The following HS3ST2 variants were observed in gnomAD, a reference collection of about 807,000 sequenced individuals.
HS3ST2 encodes heparan sulfate-glucosamine 3-sulfotransferase 2.
In HS3ST2, 17 loss-of-function variants were observed where a neutral mutation model predicts 26.3. The observed-to-expected ratio is 0.65, with a 90% CI of 0.44 to 0.97. The LOEUF (loss-of-function observed/expected upper bound fraction) is 0.97. Ranked by LOEUF, HS3ST2 falls within the 50% of genes least tolerant of loss-of-function variation. HS3ST2 has a pLI of 0.00. For missense variants in HS3ST2, 402 were observed against 501.2 expected (o/e 0.80, Z 1.89); for synonymous variants, 237 against 219.2 (o/e 1.08, Z -0.72).
At chr16:22,861,664 C>T (rs539559182) in intron 1 of HS3ST2, among the ~76,000 whole-genome samples, 2 of 152,256 alleles carry the variant, frequency 1.3e-5, no homozygotes, top group Non-Finnish European at 2.9e-5. Context: ...AGGGAAACTC[C>T]TTCTAGAAGT....
intron 1 of HS3ST2, among the ~76,000 whole-genome samples, chr16:22,876,444 AT>A (rs1357429901): frequency 6.6e-6 from 1 of 152,228 alleles, no homozygotes; most frequent in Non-Finnish European, 1.5e-5. Flanking sequence ...TTTTAAAAAA[AT>A]AAAACATAAT....
intron 1 of HS3ST2, among the ~76,000 whole-genome samples, chr16:22,888,963 A>T (rs1902099012): frequency 6.6e-6 from 1 of 152,194 alleles, no homozygotes; most frequent in Admixed American, 6.5e-5. Flanking sequence ...GAATTCCTTA[A>T]TTAAGGCAAA....
chr16:22,835,055 C>A (rs1901234224), intron 1 of HS3ST2, among the ~76,000 whole-genome samples: 1 of 152,088 alleles, frequency 6.6e-6, no homozygotes. Context: ...TTCTAGTGAG[C>A]TGAATTTGGC....
In HS3ST2 at chr16:22,815,113, C is replaced by T. The variant is rs751980152; in HGVS notation, c.485+18C>T. The T allele has an allele frequency of 2.5e-6, 4 of 1,607,578 alleles. No homozygotes were observed. Among genetic ancestry groups the T allele is most frequent in the Admixed American group, 1.7e-5 (1 of 57,912 alleles). On this transcript the variant is annotated intron_variant, in intron 1 of 1. Transcript: ENST00000261374. ...TGGTACAGGTAAGGACCAGGAGCTC[C>T]GCTCCGTGCGCCGGGTCTCTGATCG...
rs1902043715 is a variant in HS3ST2 at position 22,885,152 on chromosome 16, C to G, written c.486-29792C>G. Among the ~76,000 whole-genome samples, 3 of 151,864 alleles carry G rather than the reference C, an allele frequency of 2.0e-5. No homozygotes were observed. In the South Asian group the frequency reaches 6.2e-4, roughly 32 times the overall value. ...CATCGCTCCCAGCCAACATTTTTCACTCTTATGTGACATATTGCCACCCCT... is the reference window on the plus strand; with the variant it reads ...CATCGCTCCCAGCCAACATTTTTCAGTCTTATGTGACATATTGCCACCCCT... On this transcript the variant is annotated intron_variant, in intron 1 of 1. Transcript: ENST00000261374.
intron 1 of HS3ST2, among the ~76,000 whole-genome samples, chr16:22,881,258 C>T (rs909537293): frequency 6.6e-6 from 1 of 152,244 alleles, no homozygotes; most frequent in Non-Finnish European, 1.5e-5. Flanking sequence ...TTGACTTCAG[C>T]AGGTGATTTG....
intron 1 of HS3ST2, among the ~76,000 whole-genome samples, chr16:22,884,846 C>CTT (rs71792309): frequency 6.9e-4 from 95 of 138,458 alleles, no homozygotes; most frequent in African/African-American, 1.1e-3. Flanking sequence ...CCCTCTCTGT[C>CTT]TTTTTTTTTT....
At chr16:22,886,510 A>G (rs1394183338) in intron 1 of HS3ST2, among the ~76,000 whole-genome samples, 2 of 152,182 alleles carry the variant, frequency 1.3e-5, no homozygotes, top group African/African-American at 2.4e-5. Flanking sequence ...CAGCTTGGTA[A>G]ACTAAGTGAA....
chr16:22,889,813 C>G (rs1313731068), intron 1 of HS3ST2, among the ~76,000 whole-genome samples: 1 of 152,178 alleles, frequency 6.6e-6, no homozygotes, highest in South Asian at 2.1e-4. Flanking sequence ...ACACATTCAA[C>G]AGGTTTCTAC....
intron 1 of HS3ST2, among the ~76,000 whole-genome samples, chr16:22,848,559 T>G (rs773985956): frequency 6.6e-6 from 1 of 152,204 alleles, no homozygotes; most frequent in Non-Finnish European, 1.5e-5. Flanking sequence ...CTGAGTGCAG[T>G]TGTGAAATAT....
Position 22,857,089 on chromosome 16 carries a change from G to A in HS3ST2, c.485+41994G>A, listed in dbSNP as rs11865532. ...ACAGATACCTGTTACCATCATGATC[G>A]TTTCATAAATGAGAAAAGCGAGGTT... On this transcript the variant is annotated intron_variant, in intron 1 of 1. Coordinates refer to ENST00000261374, the MANE Select transcript of HS3ST2 (RefSeq NM_006043.2). Among the ~76,000 whole-genome samples, 1,381 of 152,048 alleles carry A rather than the reference G, an allele frequency of 9.1e-3. 15 individuals carry two copies. The highest frequency in any genetic ancestry group is 0.031 in the African/African-American group (1,296 of 41,450).
chr16:22,861,387 T>C (rs1004095453), intron 1 of HS3ST2, among the ~76,000 whole-genome samples: 1 of 151,728 alleles, frequency 6.6e-6, no homozygotes, highest in African/African-American at 2.4e-5. Flanking sequence ...GCTACTGGCA[T>C]AGACAGAACC....
chr16:22,851,385 CA>C (rs1901516086), intron 1 of HS3ST2, among the ~76,000 whole-genome samples: 1 of 152,144 alleles, frequency 6.6e-6, no homozygotes. Context: ...GTGAGGAAAC[CA>C]AGTCTTATTG....
intron 1 of HS3ST2, among the ~76,000 whole-genome samples, chr16:22,880,841 G>A (rs562075769): frequency 2.7e-5 from 4 of 149,826 alleles, no homozygotes; most frequent in African/African-American, 7.6e-5. Flanking sequence ...TGTAACCCAG[G>A]TGCCAATAGA....
In HS3ST2 at chr16:22,814,431, G is replaced by A. The variant is rs1317520556; in HGVS notation, c.-180G>A. Reference sequence around the variant, plus strand: ...TTCCCCGAGGAGCCGCTGCCCCCGGGACCCCCTGGCACTGTGCGCACCCTG... The same window carrying A: ...TTCCCCGAGGAGCCGCTGCCCCCGGAACCCCCTGGCACTGTGCGCACCCTG... On this transcript the variant is annotated 5_prime_UTR_variant, in exon 1 of 2. Coordinates refer to ENST00000261374, the MANE Select transcript of HS3ST2 (RefSeq NM_006043.2). 9.8e-6 allele frequency: 5 copies of A among 510,576 alleles called. No individual in the cohort carries two copies. Among genetic ancestry groups the A allele is most frequent in the Non-Finnish European group, 1.6e-5 (5 of 305,820 alleles). The allele number at this position is 510,576 out of a possible 1,614,324, so 31.6% of individuals were successfully genotyped here.
At chr16:22,845,851 A>G (rs1171912100) in intron 1 of HS3ST2, among the ~76,000 whole-genome samples, 5 of 152,164 alleles carry the variant, frequency 3.3e-5, no homozygotes, top group Admixed American at 6.5e-5. Flanking sequence ...GTCTTTTCAG[A>G]TTGAGTTTTC....
At chr16:22,905,294 AC>A (rs1902336428) in intron 1 of HS3ST2, among the ~76,000 whole-genome samples, 1 of 152,126 alleles carries the variant, frequency 6.6e-6, no homozygotes, top group Non-Finnish European at 1.5e-5. Flanking sequence ...GCAAGGGATG[AC>A]CCTTGGGTGG....
At chr16:22,855,428 T>C (rs1228934640) in intron 1 of HS3ST2, among the ~76,000 whole-genome samples, 2 of 152,162 alleles carry the variant, frequency 1.3e-5, no homozygotes, top group African/African-American at 2.4e-5. Context: ...TTCAAATACC[T>C]TCAGCTTCCA....
At chr16:22,868,820 CT>C (rs1901793038) in intron 1 of HS3ST2, among the ~76,000 whole-genome samples, 1 of 151,986 alleles carries the variant, frequency 6.6e-6, no homozygotes, top group Non-Finnish European at 1.5e-5. Flanking sequence ...TTATCTAGTG[CT>C]TTTCCTAATT....
Sources: gnomAD v4.1 joint callset for allele counts (sites outside exome capture counted in the v4.1 genomes callset) on GRCh38, gnomAD v4.1.1 for gene constraint, MANE v1.5 for transcripts, NCBI Gene and HGNC (gene_info 2026-07-23, HGNC 2026-07-21) for gene names.